Variants in TBCA observed in about 807,000 individuals in gnomAD.
TBCA encodes the protein tubulin-specific chaperone A.
In TBCA, 6 loss-of-function variants were observed where a neutral mutation model predicts 15.8. The observed-to-expected ratio is 0.38, with a 90% CI of 0.21 to 0.75. TBCA has a LOEUF of 0.75. Ranked by LOEUF, TBCA falls within the 30% of genes least tolerant of loss-of-function variation. TBCA has a pLI of 0.46. For missense variants in TBCA, 90 were observed against 131.2 expected (o/e 0.69, Z 1.53); for synonymous variants, 32 against 42.3 (o/e 0.76, Z 0.94).
intron 1 of TBCA, among the ~76,000 whole-genome samples, chr5:77,725,662 C>T (rs561617066): frequency 1.3e-5 from 2 of 152,280 alleles, no homozygotes; most frequent in East Asian, 1.9e-4. Flanking sequence ...ATTATGGGGC[C>T]GTTCCTCCGT....
At chr5:77,718,784 G>C (rs901103657) in intron 1 of TBCA, among the ~76,000 whole-genome samples, 12 of 152,154 alleles carry the variant, frequency 7.9e-5, no homozygotes, top group African/African-American at 2.9e-4. Flanking sequence ...CACATAAAAT[G>C]AGATGGGGCT....
intron 1 of TBCA, among the ~76,000 whole-genome samples, chr5:77,767,361 G>C (rs1217850250): frequency 6.6e-6 from 1 of 152,088 alleles, no homozygotes; most frequent in African/African-American, 2.4e-5. Context: ...CAACAACAGA[G>C]AACTCAGTTA....
At chr5:77,748,685 G>C (rs966055403) in intron 1 of TBCA, among the ~76,000 whole-genome samples, 2 of 152,156 alleles carry the variant, frequency 1.3e-5, no homozygotes, top group African/African-American at 4.8e-5. Context: ...AGACAGAATA[G>C]AAGTGCTGAC....
intron 1 of TBCA, among the ~76,000 whole-genome samples, chr5:77,753,684 A>G (rs1289054369): frequency 6.6e-6 from 1 of 152,216 alleles, no homozygotes; most frequent in Non-Finnish European, 1.5e-5. Context: ...TTAATTCTGT[A>G]TTAGGGTATT....
intron 1 of TBCA, among the ~76,000 whole-genome samples, chr5:77,750,125 ATTT>A (rs1747284055): frequency 7.6e-6 from 1 of 131,532 alleles, no homozygotes; most frequent in East Asian, 2.4e-4. Flanking sequence ...ACCTTTGCAA[ATTT>A]GTGCTCTCTC....
At chr5:77,747,677 C>T (rs1447596018) in intron 1 of TBCA, among the ~76,000 whole-genome samples, 1 of 152,084 alleles carries the variant, frequency 6.6e-6, no homozygotes, top group Non-Finnish European at 1.5e-5. Flanking sequence ...TTCTTATTAG[C>T]AATGAGCTAG....
rs142746956 is a variant in TBCA, at chr5:77,751,968, G to T, written c.53+24237C>A. On this transcript the variant is annotated intron_variant, in intron 1 of 3. Transcript: ENST00000380377. The stretch of plus-strand genomic sequence containing the variant: ...ACAAGATCAGATGAGCCAGTTTATT[G>T]ATCTGGGTGGTACCAAGATCATCTG... 6.6e-5 allele frequency among the ~76,000 whole-genome samples: 10 copies of T among 152,254 alleles called. No individual in the cohort carries two copies. In the East Asian group the frequency reaches 1.9e-3, roughly 29 times the overall value.
intron 1 of TBCA, among the ~76,000 whole-genome samples, chr5:77,735,294 T>C (rs1177270704): frequency 1.3e-5 from 2 of 152,198 alleles, no homozygotes; most frequent in Non-Finnish European, 2.9e-5. Context: ...AAACAAAATA[T>C]TTAATGCGAA....
intron 2 of TBCA, among the ~76,000 whole-genome samples, chr5:77,707,247 A>G (rs948979474): frequency 4.6e-5 from 7 of 152,172 alleles, no homozygotes; most frequent in South Asian, 4.1e-4. Flanking sequence ...ATTTTGTCGT[A>G]AGAATATGAG....
rs1159322913 is a variant in TBCA, at chr5:77,755,473, A to G, written c.53+20732T>C. On this transcript the variant is annotated intron_variant, in intron 1 of 3. Coordinates refer to ENST00000380377, the MANE Select transcript of TBCA (RefSeq NM_004607.3). ...ACGCCTGTAATCCCAGCTACTCAGGAGGGCTGAGGCAGAATTGCTTGAACC... is the reference window on the plus strand; with the variant it reads ...ACGCCTGTAATCCCAGCTACTCAGGGGGGCTGAGGCAGAATTGCTTGAACC... Among the ~76,000 whole-genome samples the G allele has an allele frequency of 2.0e-5, 3 of 152,156 alleles. No homozygotes were observed. The East Asian group carries it at 5.8e-4, about 29-fold the overall frequency.
intron 1 of TBCA, among the ~76,000 whole-genome samples, chr5:77,713,438 C>G (rs906940966): frequency 3.3e-5 from 5 of 151,926 alleles, no homozygotes; most frequent in Non-Finnish European, 5.9e-5. Flanking sequence ...AAGTATTATC[C>G]TATTGGATAT....
intron 1 of TBCA, among the ~76,000 whole-genome samples, chr5:77,747,246 C>T (rs1175460016): frequency 1.3e-5 from 2 of 151,914 alleles, no homozygotes; most frequent in African/African-American, 4.8e-5. Flanking sequence ...TCTGGTCTTA[C>T]TATGTGATTG....
chr5:77,691,245 A>G lies in TBCA; in HGVS notation c.*173T>C. ...TGTAAAGTATAAAATAAACAATTTT[A>G]TTAGATGAACTCATTTATTTGACAT... On this transcript the variant is annotated 3_prime_UTR_variant, in exon 4 of 4. Transcript: ENST00000380377. The G allele has an allele frequency of 1.6e-6, 1 of 618,334 alleles. No homozygotes were observed. Among genetic ancestry groups the G allele is most frequent in the Non-Finnish European group, 2.7e-6 (1 of 365,096 alleles). The allele number at this position is 618,334 out of a possible 1,614,324, so 38.3% of individuals were successfully genotyped here.
At chr5:77,749,719 T>C (rs1747273081) in intron 1 of TBCA, among the ~76,000 whole-genome samples, 1 of 152,228 alleles carries the variant, frequency 6.6e-6, no homozygotes, top group Non-Finnish European at 1.5e-5. Flanking sequence ...TAGGAATTTA[T>C]TCTACAGATA....
intron 2 of TBCA, among the ~76,000 whole-genome samples, chr5:77,702,599 AC>A (rs779638350): frequency 2.0e-5 from 3 of 152,218 alleles, no homozygotes; most frequent in Non-Finnish European, 4.4e-5. Flanking sequence ...ACTGCAGAGA[AC>A]TATACATGCA....
chr5:77,743,344 G>A (rs1218276590), intron 1 of TBCA, among the ~76,000 whole-genome samples: 1 of 152,184 alleles, frequency 6.6e-6, no homozygotes, highest in African/African-American at 2.4e-5. Flanking sequence ...CTGGAGAAAT[G>A]GACATTAAGA....
At chr5:77,767,078 T>A (rs1007247813) in intron 1 of TBCA, among the ~76,000 whole-genome samples, 3 of 152,230 alleles carry the variant, frequency 2.0e-5, no homozygotes, top group Non-Finnish European at 4.4e-5. Flanking sequence ...AAATCAAAAT[T>A]ATAATACTAT....
At chr5:77,747,596 T>G (rs983497976) in intron 1 of TBCA, among the ~76,000 whole-genome samples, 17 of 152,112 alleles carry the variant, frequency 1.1e-4, no homozygotes, top group Non-Finnish European at 2.1e-4. Context: ...ATTAACAGCT[T>G]AAAACAGGGC....
At chr5:77,729,929 T>A (rs1201767534) in intron 1 of TBCA, among the ~76,000 whole-genome samples, 1 of 152,206 alleles carries the variant, frequency 6.6e-6, no homozygotes, top group Non-Finnish European at 1.5e-5. Flanking sequence ...AAGTGTTGAG[T>A]TTACTTTATC....
Sources: gnomAD v4.1 joint callset for allele counts (sites outside exome capture counted in the v4.1 genomes callset) on GRCh38, gnomAD v4.1.1 for gene constraint, MANE v1.5 for transcripts, NCBI Gene and HGNC (gene_info 2026-07-23, HGNC 2026-07-21) for gene names.